The following STON2 variants were observed in gnomAD, a reference collection of about 807,000 sequenced individuals.
STON2 encodes the protein stonin-2.
In STON2, 29 loss-of-function variants were observed where a neutral mutation model predicts 65.7. That is an observed-to-expected ratio of 0.44 (90% confidence interval 0.33 to 0.60). The LOEUF (loss-of-function observed/expected upper bound fraction) is 0.60. Ranked by LOEUF, STON2 falls within the 20% of genes least tolerant of loss-of-function variation. The probability of loss-of-function intolerance (pLI) is 0.03; values close to 1 mark genes in which losing one functional copy is unlikely to be tolerated. For missense variants in STON2, 1,054 were observed against 1,118.1 expected, an observed-to-expected ratio of 0.94 and a Z score of 0.82; for synonymous variants, 404 against 414.2, an observed-to-expected ratio of 0.98 and a Z score of 0.30.
rs59107867 is a variant in STON2, at chr14:81,296,968, CA to C, written c.743-18230del. 5.1e-3 allele frequency among the ~76,000 whole-genome samples: 769 copies of C among 152,182 alleles called. 7 individuals are homozygous for C. Among genetic ancestry groups the C allele is most frequent in the Middle Eastern group, 0.024 (7 of 294 alleles). On this transcript the variant is annotated intron_variant, in intron 5 of 7. Transcript: ENST00000614646. ...CTTCAGCCACCTGGCAAAACTGAAC[CA>C]AGGAAAAAGATCTTTATGGTATGAG...
upstream of STON2, among the ~76,000 whole-genome samples, chr14:81,404,723 T>A (rs1447156391): frequency 6.6e-6 from 1 of 152,000 alleles, no homozygotes; most frequent in Non-Finnish European, 1.5e-5. Flanking sequence ...CCCAGGCTGG[T>A]CTCAAACTCC....
chr14:81,347,615 T>TAAAAAAAAAAAAAAA (rs55784716), intron 4 of STON2, among the ~76,000 whole-genome samples: 1 of 72,592 alleles, frequency 1.4e-5, no homozygotes, highest in African/African-American at 5.5e-5. Flanking sequence ...AAGAAGACAG[T>TAAAAAAAAAAAAAAA]AAAAAAAAAA....
intron 4 of STON2, among the ~76,000 whole-genome samples, chr14:81,344,359 T>G (rs1020122534): frequency 2.0e-5 from 3 of 152,174 alleles, no homozygotes; most frequent in Admixed American, 2.0e-4. Context: ...CCTATCAAAC[T>G]TTTTCCTAGA....
At chr14:81,297,505 G>T (rs538923232) in intron 5 of STON2, among the ~76,000 whole-genome samples, 36 of 152,152 alleles carry the variant, frequency 2.4e-4, no homozygotes, top group Non-Finnish European at 4.4e-4. Context: ...TTCTGAGTCT[G>T]TTTCCTCACT....
intron 3 of STON2, among the ~76,000 whole-genome samples, chr14:81,374,983 G>A (rs377386842): frequency 6.6e-6 from 1 of 152,152 alleles, no homozygotes; most frequent in East Asian, 1.9e-4. Context: ...CCATCAAAGA[G>A]AAAATACACA....
chr14:81,407,080 C>T (rs559898355), intron 2 of STON2, among the ~76,000 whole-genome samples: 37 of 152,302 alleles, frequency 2.4e-4, no homozygotes, highest in Middle Eastern at 3.4e-3. Flanking sequence ...AGGCTCACCT[C>T]AGGATAGAAA....
intron 2 of STON2, among the ~76,000 whole-genome samples, chr14:81,416,165 T>C (rs1243967728): frequency 6.6e-6 from 1 of 152,230 alleles, no homozygotes; most frequent in Admixed American, 6.5e-5. Flanking sequence ...CATCTAGTAG[T>C]ATCTACCTCA....
chr14:81,285,562 G>C (rs1361441007), intron 5 of STON2, among the ~76,000 whole-genome samples: 3 of 152,198 alleles, frequency 2.0e-5, no homozygotes, highest in Non-Finnish European at 4.4e-5. Context: ...CAGATTATAA[G>C]CATGATCCAC....
chr14:81,434,862 C>T (rs949832614), intron 1 of STON2, among the ~76,000 whole-genome samples: 1 of 152,140 alleles, frequency 6.6e-6, no homozygotes, highest in Non-Finnish European at 1.5e-5. Flanking sequence ...CCACCCAGGT[C>T]AGGCATAGGA....
At chr14:81,362,069 A>C (rs115545564) in intron 4 of STON2, among the ~76,000 whole-genome samples, 1,826 of 152,204 alleles carry the variant, frequency 0.012, 41 homozygotes, top group African/African-American at 0.041. Context: ...AGCCATTATG[A>C]AAAAGGTTCC....
rs1341651395 is a variant in STON2, at chr14:81,264,643, G to A, written c.*3771C>T. On this transcript the variant is annotated 3_prime_UTR_variant, in exon 8 of 8. Transcript: ENST00000614646. ...AGCCACTGGATTTGAATAGAAATCAGTCTCATTTCAAATAAAAAATATTTT... is the reference window on the plus strand; with the variant it reads ...AGCCACTGGATTTGAATAGAAATCAATCTCATTTCAAATAAAAAATATTTT... 1.4e-5 allele frequency: 14 copies of A among 984,686 alleles called. No homozygotes were observed. The highest frequency in any genetic ancestry group is 1.7e-5 in the African/African-American group (1 of 57,212). 61.0% of individuals were successfully genotyped at this position (984,686 alleles called of 1,614,324 possible).
intron 3 of STON2, among the ~76,000 whole-genome samples, chr14:81,376,657 C>T (rs558538613): frequency 1.2e-4 from 18 of 152,246 alleles, no homozygotes; most frequent in African/African-American, 3.9e-4. Context: ...GACACCAAAA[C>T]CTGACAATAT....
chr14:81,429,891 C>T (rs112702578), intron 1 of STON2, among the ~76,000 whole-genome samples: 10,023 of 151,302 alleles, frequency 0.066, 546 homozygotes, highest in African/African-American at 0.15. Context: ...GCTGAGATCG[C>T]GCCACTGCAC....
intron 5 of STON2, among the ~76,000 whole-genome samples, chr14:81,294,673 T>G (rs1313433370): frequency 6.6e-6 from 1 of 152,222 alleles, no homozygotes; most frequent in Non-Finnish European, 1.5e-5. Context: ...GGGAAGATCC[T>G]GGAAAGAGAC....
At chr14:81,373,999 CTTTTTTTTTTTTTTTTTT>C (rs57877137) in intron 3 of STON2, among the ~76,000 whole-genome samples, 2 of 60,470 alleles carry the variant, frequency 3.3e-5, no homozygotes, top group African/African-American at 8.1e-5. Context: ...ATAATAATGC[CTTTTTTTTTTTTTTTTTT>C]TTTTTTTTTT....
intron 2 of STON2, among the ~76,000 whole-genome samples, chr14:81,420,324 T>C (rs1467342654): frequency 6.6e-6 from 1 of 152,206 alleles, no homozygotes; most frequent in African/African-American, 2.4e-5. Flanking sequence ...GCGTAGAATA[T>C]AAAGAGATGA....
intron 5 of STON2, among the ~76,000 whole-genome samples, chr14:81,315,515 GTGACGATACTGGCAGAA>G (rs954434474): frequency 1.8e-5 from 1 of 56,488 alleles, no homozygotes; most frequent in Non-Finnish European, 4.0e-5. Flanking sequence ...ACGTAGGCAG[GTGACGATACTGGCAGAA>G]TTCTCAACCT....
At chr14:81,299,146 C>CT (rs1217275528) in intron 5 of STON2, among the ~76,000 whole-genome samples, 1 of 152,194 alleles carries the variant, frequency 6.6e-6, no homozygotes, top group African/African-American at 2.4e-5. Flanking sequence ...ATGGTGGTCA[C>CT]TTTAAACCAC....
intron 5 of STON2, among the ~76,000 whole-genome samples, chr14:81,289,365 G>A (rs1286442799): frequency 6.6e-6 from 1 of 152,086 alleles, no homozygotes; most frequent in Admixed American, 6.5e-5. Context: ...TTAGAAGACA[G>A]AAAAAAGGAC....
Sources: gnomAD v4.1 joint callset for allele counts (sites outside exome capture counted in the v4.1 genomes callset) on GRCh38, gnomAD v4.1.1 for gene constraint, MANE v1.5 for transcripts, NCBI Gene and HGNC (gene_info 2026-07-23, HGNC 2026-07-21) for gene names.